PPP3R1: variants seen among roughly 807,000 people sequenced by gnomAD.
PPP3R1 encodes calcineurin subunit B type 1.
In PPP3R1, 5 loss-of-function variants were observed where a neutral mutation model predicts 22.6. The observed-to-expected ratio is 0.22, with a 90% CI of 0.12 to 0.46. The LOEUF (loss-of-function observed/expected upper bound fraction) is 0.46, where lower values mean the gene tolerates loss of function less well. Ranked by LOEUF, PPP3R1 falls within the 20% of genes least tolerant of loss-of-function variation. The pLI is 0.99. For synonymous variants in PPP3R1, 56 were observed against 65.2 expected, an observed-to-expected ratio of 0.86 and a Z score of 0.68; for missense variants, 61 against 203.2, an observed-to-expected ratio of 0.30 and a Z score of 4.25.
intron 1 of PPP3R1, among the ~76,000 whole-genome samples, chr2:68,250,152 GA>G (rs1330746547): frequency 2.0e-3 from 284 of 143,996 alleles, no homozygotes; most frequent in African/African-American, 6.0e-3. Flanking sequence ...GATGAAAGAG[GA>G]AAAAAAAAAA....
chr2:68,217,172 C>T, intron 1 of PPP3R1, 41 bp from the exon 2 acceptor site: 8 of 1,444,824 alleles, frequency 5.5e-6, no homozygotes, highest in Non-Finnish European at 7.6e-6. Flanking sequence ...AAAATAGGCA[C>T]AAATTTGTTT....
intron 1 of PPP3R1, among the ~76,000 whole-genome samples, chr2:68,241,155 C>T (rs78665953): frequency 0.065 from 9,837 of 151,232 alleles, 392 homozygotes; most frequent in Middle Eastern, 0.21. Flanking sequence ...TCCACAGATG[C>T]TCAAGTCCCT....
At chr2:68,202,291 A>G (rs542120527) in intron 2 of PPP3R1, among the ~76,000 whole-genome samples, 5 of 152,352 alleles carry the variant, frequency 3.3e-5, no homozygotes, top group Non-Finnish European at 5.9e-5. Flanking sequence ...CGAGATTACT[A>G]TATGTCATGA....
intron 1 of PPP3R1, among the ~76,000 whole-genome samples, chr2:68,245,811 C>G (rs995631812): frequency 1.3e-5 from 2 of 152,186 alleles, no homozygotes; most frequent in African/African-American, 2.4e-5. Context: ...AACAGTTAAA[C>G]CATTTACAAC....
At chr2:68,188,275 C>CTGA (rs1674588589) in intron 3 of PPP3R1, among the ~76,000 whole-genome samples, 1 of 152,084 alleles carries the variant, frequency 6.6e-6, no homozygotes, top group Non-Finnish European at 1.5e-5. Context: ...AAAGGAAATA[C>CTGA]TGAGTCCCCC....
At position 68,178,980 on chromosome 2, in the gene PPP3R1, C is replaced by A. The variant is rs72832008; in HGVS notation, c.*1983G>T. 2.9e-5 allele frequency: 4 copies of A among 140,156 alleles called. No individual in the cohort carries two copies. The highest frequency in any genetic ancestry group is 6.1e-5 in the Non-Finnish European group (4 of 65,878). The allele number at this position is 140,156 out of a possible 1,614,324, so 8.7% of individuals were successfully genotyped here. A position where few individuals can be genotyped will look rare whatever the true frequency, so the allele number is the denominator to read the frequency against. On this transcript the variant is annotated 3_prime_UTR_variant, in exon 6 of 6. Transcript: ENST00000234310. ...CATAAACCATCCCCTCCCTTACCCACCCCCACACACAAACTAAAAAAAAAA... is the reference window on the plus strand; with the variant it reads ...CATAAACCATCCCCTCCCTTACCCAACCCCACACACAAACTAAAAAAAAAA...
chr2:68,228,705 T>C (rs967418628), intron 1 of PPP3R1, among the ~76,000 whole-genome samples: 4 of 152,084 alleles, frequency 2.6e-5, no homozygotes, highest in Admixed American at 2.6e-4. Context: ...TCTTTTTTTC[T>C]AGGTTCTTGA....
At chr2:68,249,162 T>C (rs756777070) in intron 1 of PPP3R1, among the ~76,000 whole-genome samples, 3 of 152,362 alleles carry the variant, frequency 2.0e-5, no homozygotes, top group South Asian at 2.1e-4. Flanking sequence ...GTCCCTCTCA[T>C]TGCTGACTGA....
intron 2 of PPP3R1, among the ~76,000 whole-genome samples, chr2:68,207,200 C>A (rs961495703): frequency 2.2e-5 from 3 of 136,276 alleles, no homozygotes; most frequent in African/African-American, 8.4e-5. Flanking sequence ...GAAATTGATC[C>A]AAATAGTCAG....
chr2:68,184,232 T>C (rs996222303), intron 5 of PPP3R1, among the ~76,000 whole-genome samples: 2 of 152,190 alleles, frequency 1.3e-5, no homozygotes, highest in African/African-American at 4.8e-5. Context: ...TTAGCCTCAC[T>C]TTCATCCTCA....
chr2:68,187,401 T>G, intron 3 of PPP3R1, 87 bp from the exon 4 acceptor site: 1 of 1,181,976 alleles, frequency 8.5e-7, no homozygotes, highest in Non-Finnish European at 1.2e-6. Context: ...CACAAAAGGA[T>G]ATTTCCTTGC....
intron 5 of PPP3R1, among the ~76,000 whole-genome samples, chr2:68,184,077 T>TG (rs1376597074): frequency 6.6e-6 from 1 of 152,222 alleles, no homozygotes; most frequent in African/African-American, 2.4e-5. Context: ...ACCTCATCTC[T>TG]GCCTCATGTT....
intron 5 of PPP3R1, among the ~76,000 whole-genome samples, chr2:68,182,729 C>CAAAA (rs148908840): frequency 2.9e-5 from 3 of 104,634 alleles, no homozygotes; most frequent in African/African-American, 1.1e-4. Context: ...CACTCCCTCT[C>CAAAA]AAAAAAAAAA....
chr2:68,185,291 G>T (rs1267784486), intron 5 of PPP3R1, among the ~76,000 whole-genome samples: 3 of 149,596 alleles, frequency 2.0e-5, no homozygotes, highest in Non-Finnish European at 4.4e-5. Flanking sequence ...CTTAGCTTAT[G>T]TCTTCAATAT....
intron 5 of PPP3R1, 66 bp from the exon 6 acceptor site, chr2:68,181,076 A>G: frequency 1.4e-6 from 2 of 1,475,330 alleles, no homozygotes; most frequent in Admixed American, 3.4e-5. Context: ...TGGTCTAACT[A>G]CTTCATCAAA....
intron 5 of PPP3R1, among the ~76,000 whole-genome samples, chr2:68,184,946 C>T (rs1439113977): frequency 1.3e-5 from 2 of 152,100 alleles, no homozygotes; most frequent in Non-Finnish European, 2.9e-5. Flanking sequence ...ATGGGCCAGG[C>T]GCAGTGGCTC....
chr2:68,251,976 C>T (rs1007461082), intron 1 of PPP3R1, 149 bp downstream of exon 1: 786 of 823,464 alleles, frequency 9.5e-4, no homozygotes, highest in Admixed American at 1.3e-3. Context: ...TCCGGCTCGC[C>T]CGCAACCGCC....
At chr2:68,183,251 C>T (rs933244592) in intron 5 of PPP3R1, among the ~76,000 whole-genome samples, 2 of 152,230 alleles carry the variant, frequency 1.3e-5, no homozygotes, top group African/African-American at 4.8e-5. Flanking sequence ...AGGCAAAATG[C>T]TCCATGTTCT....
At chr2:68,236,190 CT>C (rs948839322) in intron 1 of PPP3R1, among the ~76,000 whole-genome samples, 5 of 151,862 alleles carry the variant, frequency 3.3e-5, no homozygotes, top group African/African-American at 7.3e-5. Flanking sequence ...TACAATTTAC[CT>C]TTTTTTTCTT....
Sources: allele counts gnomAD v4.1 joint callset (sites outside exome capture counted in the v4.1 genomes callset), GRCh38; gene constraint gnomAD v4.1.1; transcripts MANE v1.5; gene names NCBI Gene and HGNC (gene_info 2026-07-23, HGNC 2026-07-21).